MYO9A: variants seen among roughly 807,000 people sequenced by gnomAD.
MYO9A encodes myosin IXA.
A neutral mutation model predicts 293.3 loss-of-function variants in MYO9A; 103 were observed. The observed-to-expected ratio is 0.35, with a 90% confidence interval of 0.30 to 0.41. MYO9A has a LOEUF of 0.41. MYO9A is among the 10% of genes least tolerant of loss of function. The pLI, the probability that MYO9A is intolerant of heterozygous loss-of-function variation, is 1.00. For synonymous variants in MYO9A, 1,001 were observed against 1,035.7 expected, an observed-to-expected ratio of 0.97 and a Z score of 0.64; for missense variants, 2,685 against 3,033.0, an observed-to-expected ratio of 0.89 and a Z score of 2.69.
chr15:71,872,806 A>T (rs192702896), intron 32 of MYO9A, among the ~76,000 whole-genome samples: 1 of 152,142 alleles, frequency 6.6e-6, no homozygotes, highest in Non-Finnish European at 1.5e-5. Context: ...TAAAATTTTT[A>T]AAAACATATG....
Position 71,899,809 on chromosome 15 carries a change from G to A in MYO9A, c.3348C>T (p.His1116=). 1 of 1,614,120 alleles carries A rather than the reference G, an allele frequency of 6.2e-7. No homozygotes were observed. Among genetic ancestry groups the A allele is most frequent in the South Asian group, 1.1e-5 (1 of 91,090 alleles). Residue 1116 remains histidine, a synonymous_variant, in exon 24 of 42, where the codon CAC becomes CAT. Transcript: ENST00000356056. ...QKWRDYYRRR[H]MAAICIQARW... ...TTGCTTGTATGCAAATAGCAGCCAT[G>A]TGCCTGCGCCTATAGTAATCTCTCC...
In MYO9A at chr15:71,899,816, C is replaced by A. The variant is rs558522130; in HGVS notation, c.3341G>T (p.Arg1114Leu). The A allele has an allele frequency of 6.8e-6, 11 of 1,613,988 alleles. No homozygotes were observed. Among genetic ancestry groups the A allele is most frequent in the Non-Finnish European group, 9.3e-6 (11 of 1,180,032 alleles). Reference protein sequence around the residue: ...IQQKWRDYYRRRHMAAICIQA... With the variant: ...IQQKWRDYYRLRHMAAICIQA... The stretch of plus-strand genomic sequence containing the variant: ...TATGCAAATAGCAGCCATGTGCCTG[C>A]GCCTATAGTAATCTCTCCATTTCTG... The change falls in exon 24 of 42, where the codon CGC becomes CTC. Residue 1114 changes from arginine to leucine, a missense_variant. This residue lies in a region of MYO9A where 1,434 missense variants were observed against 1,497.7 expected (regional missense o/e 0.96). Transcript: ENST00000356056.
chr15:71,888,148 G>A (rs764335809), intron 26 of MYO9A, 32 bp from the exon 27 acceptor site: 21 of 1,236,718 alleles, frequency 1.7e-5, no homozygotes, highest in Non-Finnish European at 2.3e-5. Flanking sequence ...AAGATTTAAT[G>A]CCAAGTAAAT....
In MYO9A at chr15:72,046,628, A is replaced by G. The variant is rs2078393114; in HGVS notation, c.-65T>C. 1 of 1,463,448 alleles carries G rather than the reference A, an allele frequency of 6.8e-7. No homozygotes were observed. The highest frequency in any genetic ancestry group is 1.6e-5 in the South Asian group (1 of 62,576). 90.7% of individuals were successfully genotyped at this position (1,463,448 alleles called of 1,614,324 possible). A position where few individuals can be genotyped will look rare whatever the true frequency, so the allele number is the denominator to read the frequency against. On this transcript the variant is annotated 5_prime_UTR_variant, in exon 2 of 42. Coordinates refer to ENST00000356056, the MANE Select transcript of MYO9A (RefSeq NM_006901.4). ...AAGTCGTGCAAACCATTTTCTTGGT[A>G]AAATAACTGTAACATAAAAGATGCA...
chr15:71,829,131 T>C (rs2723357), intron 40 of MYO9A, among the ~76,000 whole-genome samples: 13,309 of 152,218 alleles, frequency 0.087, 923 homozygotes, highest in East Asian at 0.21. Flanking sequence ...ACTGCCAATA[T>C]CATCTGCATC....
Position 72,019,103 on chromosome 15 carries a change from T to C in MYO9A, c.1099-8A>G, listed in dbSNP as rs1322290856. 1 of 1,611,604 alleles carries C rather than the reference T, an allele frequency of 6.2e-7. No individual in the cohort carries two copies. The highest frequency in any genetic ancestry group is 1.1e-5 in the South Asian group (1 of 91,036). On this transcript the variant is annotated splice_region_variant and splice_polypyrimidine_tract_variant and intron_variant, in intron 5 of 41. Coordinates refer to ENST00000356056, the MANE Select transcript of MYO9A (RefSeq NM_006901.4). Reference sequence around the variant, plus strand: ...GAGGGGTTTCTTTGTTATCTGAAAGTAAGGCAGATTAGTTAGGTAGAAGTA... The same window carrying C: ...GAGGGGTTTCTTTGTTATCTGAAAGCAAGGCAGATTAGTTAGGTAGAAGTA...
chr15:72,008,001 G>C, intron 7 of MYO9A, 49 bp from the exon 8 acceptor site: 1 of 1,554,770 alleles, frequency 6.4e-7, no homozygotes, highest in Non-Finnish European at 8.7e-7. Context: ...CATTCCCAAA[G>C]CTCATTTCAT....
intron 16 of MYO9A, among the ~76,000 whole-genome samples, chr15:71,938,400 T>C (rs2058691665): frequency 6.6e-6 from 1 of 152,132 alleles, no homozygotes; most frequent in Admixed American, 6.5e-5. Context: ...GTCAAATTGT[T>C]CTCAGGAATT....
At chr15:71,925,740 T>C (rs2058295305) in intron 18 of MYO9A, among the ~76,000 whole-genome samples, 1 of 152,184 alleles carries the variant, frequency 6.6e-6, no homozygotes, top group Admixed American at 6.5e-5. Context: ...TACTTAACAT[T>C]TAATTGTAGC....
At position 71,824,470 on chromosome 15, in the gene MYO9A, C is replaced by A. The variant is rs1400021757; in HGVS notation, c.*2110G>T. ...TTTCATACAGGATTTAACCAACATT[C>A]TGGAGCAAGTGCAGAGTAACAATTA... On this transcript the variant is annotated 3_prime_UTR_variant, in exon 42 of 42. Transcript: ENST00000356056. 6.6e-6 allele frequency: 1 copy of A among 151,856 alleles called. No individual in the cohort carries two copies. Among genetic ancestry groups the A allele is most frequent in the African/African-American group, 2.4e-5 (1 of 41,346 alleles). The allele number at this position is 151,856 out of a possible 1,614,324, so 9.4% of individuals were successfully genotyped here. A position where few individuals can be genotyped will look rare whatever the true frequency, so the allele number is the denominator to read the frequency against.
intron 34 of MYO9A, chr15:71,858,746 C>T (rs1161068499): frequency 6.7e-6 from 1 of 149,848 alleles, no homozygotes; most frequent in African/African-American, 2.5e-5. Context: ...AGGAGATATA[C>T]CTAATGTAAA....
At chr15:72,063,573 TAAAA>T (rs1369543240) in intron 1 of MYO9A, among the ~76,000 whole-genome samples, 2 of 152,126 alleles carry the variant, frequency 1.3e-5, no homozygotes, top group Non-Finnish European at 2.9e-5. Context: ...AATCTGATTT[TAAAA>T]TGGGCAAAAG....
Position 72,118,056 on chromosome 15 carries a change from G to T in MYO9A, c.-448C>A, listed in dbSNP as rs377013970. 1.8e-5 allele frequency: 7 copies of T among 395,998 alleles called. No individual in the cohort carries two copies. The highest frequency in any genetic ancestry group is 1.4e-4 in the African/African-American group (7 of 48,444). 24.5% of individuals were successfully genotyped at this position (395,998 alleles called of 1,614,324 possible). ...TCAACAGACACAGCCAACCGCCGCC[G>T]CGTCCCTTATCCGCTTCGGTCGCGC... On this transcript the variant is annotated 5_prime_UTR_variant, in exon 1 of 42. Transcript: ENST00000356056.
At chr15:71,989,671 AAAAC>A (rs2076488629) in intron 11 of MYO9A, among the ~76,000 whole-genome samples, 1 of 152,174 alleles carries the variant, frequency 6.6e-6, no homozygotes, top group African/African-American at 2.4e-5. Context: ...AAAAAAGAAA[AAAAC>A]AATCAACACC....
chr15:72,000,054 C>T (rs2076819650), intron 8 of MYO9A, 114 bp from the exon 9 acceptor site: 2 of 746,464 alleles, frequency 2.7e-6, no homozygotes, highest in South Asian at 4.6e-5. Flanking sequence ...AATTACATAG[C>T]AGAGAAAAAA....
intron 1 of MYO9A, among the ~76,000 whole-genome samples, chr15:72,062,175 C>T (rs545294736): frequency 3.3e-5 from 5 of 152,256 alleles, no homozygotes; most frequent in Admixed American, 1.3e-4. Flanking sequence ...CTACAATAAC[C>T]AAAGACAGAT....
At chr15:71,994,272 G>A (rs986031058) in intron 10 of MYO9A, among the ~76,000 whole-genome samples, 197 bp downstream of exon 10, 8 of 151,950 alleles carry the variant, frequency 5.3e-5, no homozygotes, top group African/African-American at 1.9e-4. Context: ...ATACACGTTC[G>A]GGAGGTAAAA....
chr15:71,914,875 T>C (rs2057964754), intron 19 of MYO9A, among the ~76,000 whole-genome samples: 1 of 152,178 alleles, frequency 6.6e-6, no homozygotes, highest in South Asian at 2.1e-4. Flanking sequence ...AGCTATATGG[T>C]ATTCTTCAGA....
chr15:72,021,078 G>C (rs964702788), intron 4 of MYO9A, 61 bp from the exon 5 acceptor site: 5 of 1,039,990 alleles, frequency 4.8e-6, no homozygotes, highest in Non-Finnish European at 7.0e-6. Flanking sequence ...CATTTAACAG[G>C]GGGAGGGGGG....
Sources: allele counts gnomAD v4.1 joint callset (sites outside exome capture counted in the v4.1 genomes callset), GRCh38; gene constraint gnomAD v4.1.1; regional missense constraint gnomAD v4.1.1; transcripts MANE v1.5; gene names NCBI Gene and HGNC (gene_info 2026-07-23, HGNC 2026-07-21).